Variants in ST3GAL3 observed in about 807,000 individuals in gnomAD.
ST3GAL3 encodes the protein CMP-N-acetylneuraminate-beta-1,4-galactoside alpha-2,3-sialyltransferase.
ST3GAL3 carries 21 observed loss-of-function variants against 50.1 expected under a neutral mutation model. The observed-to-expected ratio is 0.42, with a 90% CI of 0.30 to 0.60. The LOEUF (loss-of-function observed/expected upper bound fraction) is 0.60. ST3GAL3 is among the 20% of genes least tolerant of loss of function. The pLI, the probability that ST3GAL3 is intolerant of heterozygous loss-of-function variation, is 0.19. For missense variants in ST3GAL3, 353 were observed against 489.4 expected (o/e 0.72, Z 2.63); for synonymous variants, 183 against 190.0 (o/e 0.96, Z 0.30).
chr1:43,848,524 C>A (rs1381707449), intron 5 of ST3GAL3, among the ~76,000 whole-genome samples: 1 of 151,970 alleles, frequency 6.6e-6, no homozygotes, highest in Non-Finnish European at 1.5e-5. Context: ...AGGCTGGTCT[C>A]AAACTCCTGA....
chr1:43,905,951 C>CT (rs1416188915), intron 9 of ST3GAL3, among the ~76,000 whole-genome samples: 6 of 84,130 alleles, frequency 7.1e-5, no homozygotes, highest in East Asian at 3.8e-4. Flanking sequence ...TCCTGCTCCT[C>CT]TCCCACCACT....
At chr1:43,849,554 C>T (rs551672217) in intron 5 of ST3GAL3, among the ~76,000 whole-genome samples, 6 of 152,212 alleles carry the variant, frequency 3.9e-5, no homozygotes, top group African/African-American at 1.4e-4. Context: ...ATATGTTTTG[C>T]ACTTCAGCTA....
intron 9 of ST3GAL3, among the ~76,000 whole-genome samples, chr1:43,901,264 C>T (rs1043011287): frequency 1.3e-5 from 2 of 152,240 alleles, no homozygotes; most frequent in Admixed American, 6.5e-5. Context: ...CCTGTCACAG[C>T]CTCCCTCAGG....
At chr1:43,786,110 C>G (rs1399477113) in intron 2 of ST3GAL3, among the ~76,000 whole-genome samples, 1 of 152,110 alleles carries the variant, frequency 6.6e-6, no homozygotes, top group African/African-American at 2.4e-5. Flanking sequence ...TTGCATGAGT[C>G]TCCTCCTTAT....
chr1:43,926,545 C>T (rs1363356207), intron 11 of ST3GAL3, among the ~76,000 whole-genome samples: 1 of 151,948 alleles, frequency 6.6e-6, no homozygotes, highest in African/African-American at 2.4e-5. Flanking sequence ...GCCGAGGTTG[C>T]AGTGAGCCGA....
chr1:43,890,319 T>C (rs1397042530), intron 5 of ST3GAL3, among the ~76,000 whole-genome samples: 1 of 152,158 alleles, frequency 6.6e-6, no homozygotes, highest in African/African-American at 2.4e-5. Context: ...CTGACCATGA[T>C]TGAAAATTGC....
intron 2 of ST3GAL3, among the ~76,000 whole-genome samples, chr1:43,755,671 T>C (rs1291607068): frequency 1.3e-5 from 2 of 152,006 alleles, no homozygotes; most frequent in Admixed American, 6.6e-5. Flanking sequence ...AAAAACTATA[T>C]GGACGAGACT....
At chr1:43,917,500 TATATTATATAATATA>T (rs2082087659) in intron 9 of ST3GAL3, among the ~76,000 whole-genome samples, 5 of 72,094 alleles carry the variant, frequency 6.9e-5, no homozygotes, top group South Asian at 4.3e-4. Context: ...ATATATATAA[TATATTATATAATATA>T]ATATATATTA....
At chr1:43,817,569 T>TC (rs1329190968) in intron 4 of ST3GAL3, among the ~76,000 whole-genome samples, 5,282 of 21,032 alleles carry the variant, frequency 0.25, 579 homozygotes, top group African/African-American at 0.48. Flanking sequence ...TTCTTCCTTC[T>TC]TCTTCTCCTT....
chr1:43,862,054 A>G (rs887469737), intron 5 of ST3GAL3, among the ~76,000 whole-genome samples: 5 of 151,864 alleles, frequency 3.3e-5, no homozygotes, highest in Admixed American at 2.0e-4. Context: ...AAAGAGAGAC[A>G]ACTACTGCTT....
rs2059314304 is a variant in ST3GAL3 at position 43,801,517 on chromosome 1, G to T, written c.166+9368G>T. 5 of 375,788 alleles carry T rather than the reference G, an allele frequency of 1.3e-5. No individual in the cohort carries two copies. The Admixed American group carries it at 1.6e-4, about 12-fold the overall frequency. The allele number at this position is 375,788 out of a possible 1,614,324, so 23.3% of individuals were successfully genotyped here. A position where few individuals can be genotyped will look rare whatever the true frequency, so the allele number is the denominator to read the frequency against. On this transcript the variant is annotated intron_variant, in intron 3 of 11. Transcript: ENST00000347631. ...GGAACAGGATGTGACTGCACAGCCT[G>T]GTGCTCCCAACTGCACGTCAGAATG... is the stretch of plus-strand genomic sequence containing the variant.
intron 5 of ST3GAL3, among the ~76,000 whole-genome samples, chr1:43,877,864 T>C (rs1475707510): frequency 1.3e-5 from 2 of 152,216 alleles, no homozygotes; most frequent in Non-Finnish European, 2.9e-5. Flanking sequence ...CTGCTCATTC[T>C]CTGTCATGTT....
chr1:43,712,751 G>A (rs1389865949), intron 1 of ST3GAL3, among the ~76,000 whole-genome samples: 1 of 152,160 alleles, frequency 6.6e-6, no homozygotes, highest in African/African-American at 2.4e-5. Flanking sequence ...TTTTCACACA[G>A]GCAACAATGT....
At chr1:43,823,572 G>A (rs1055210258) in intron 4 of ST3GAL3, among the ~76,000 whole-genome samples, 6 of 152,038 alleles carry the variant, frequency 3.9e-5, no homozygotes, top group African/African-American at 1.2e-4. Flanking sequence ...CCCTATTGGC[G>A]TTCCCTGTTC....
chr1:43,757,751 AG>A (rs1309465586), intron 2 of ST3GAL3, among the ~76,000 whole-genome samples: 2 of 152,252 alleles, frequency 1.3e-5, no homozygotes, highest in Non-Finnish European at 2.9e-5. Context: ...TTTCTTAAAT[AG>A]GGCAGAAAAG....
chr1:43,730,715 C>G (rs1214684894), intron 1 of ST3GAL3, among the ~76,000 whole-genome samples: 1 of 151,782 alleles, frequency 6.6e-6, no homozygotes, highest in Non-Finnish European at 1.5e-5. Flanking sequence ...GGACTACAGG[C>G]CCATGCCACC....
At chr1:43,738,139 A>G (rs560599804) in intron 2 of ST3GAL3, 9 of 152,338 alleles carry the variant, frequency 5.9e-5, no homozygotes, top group African/African-American at 1.9e-4. Flanking sequence ...CAGAGAAGTA[A>G]TAGTAGAGAG....
At chr1:43,743,419 C>G (rs1681963403) in intron 2 of ST3GAL3, 2 of 313,522 alleles carry the variant, frequency 6.4e-6, no homozygotes, top group Admixed American at 3.9e-5. Flanking sequence ...ACTGATATCT[C>G]TGGTGTTCCC....
At position 43,847,819 on chromosome 1, in the gene ST3GAL3, T is replaced by C. The variant is rs2066504119; in HGVS notation, c.302+9508T>C. 2.6e-5 allele frequency among the ~76,000 whole-genome samples: 4 copies of C among 152,354 alleles called. No homozygotes were observed. The South Asian group carries it at 8.3e-4, about 32-fold the overall frequency. The stretch of plus-strand genomic sequence containing the variant: ...TACTACAATTCAAACATTTTAAAAG[T>C]TTTTTTAATGAGAGGGAAAATTCTT... On this transcript the variant is annotated intron_variant, in intron 5 of 11. Transcript: ENST00000347631.
Sources: allele counts gnomAD v4.1 joint callset (sites outside exome capture counted in the v4.1 genomes callset), GRCh38; gene constraint gnomAD v4.1.1; transcripts MANE v1.5; gene names NCBI Gene and HGNC (gene_info 2026-07-23, HGNC 2026-07-21).